Variants in RHBDD1 observed in about 807,000 individuals in gnomAD.
RHBDD1 encodes the protein rhomboid domain containing 1.
RHBDD1 carries 38 observed loss-of-function variants against 36.3 expected under a neutral mutation model. The observed-to-expected ratio is 1.05, with a 90% CI of 0.81 to 1.37. The LOEUF is 1.37. Ranked by LOEUF, RHBDD1 falls within the 40% of genes most tolerant of loss-of-function variation. The pLI, the probability that RHBDD1 is intolerant of heterozygous loss-of-function variation, is 0.00. For synonymous variants in RHBDD1, 151 were observed against 136.5 expected, an observed-to-expected ratio of 1.11 and a Z score of -0.74; for missense variants, 393 against 377.6, an observed-to-expected ratio of 1.04 and a Z score of -0.34.
At chr2:226,868,073 A>G (rs916358208) in intron 5 of RHBDD1, among the ~76,000 whole-genome samples, 1 of 152,162 alleles carries the variant, frequency 6.6e-6, no homozygotes, top group Non-Finnish European at 1.5e-5. Context: ...AGAACTTTTT[A>G]AACAAAAGGC....
chr2:226,806,717 T>C, the RHBDD1 span, among the ~76,000 whole-genome samples: 1 of 152,172 alleles, frequency 6.6e-6, no homozygotes, highest in African/African-American at 2.4e-5. Context: ...TACTCTTTCT[T>C]ATCTCTCTTT....
intron 8 of RHBDD1, among the ~76,000 whole-genome samples, chr2:226,977,612 G>A (rs925032652): frequency 9.9e-5 from 15 of 152,160 alleles, no homozygotes; most frequent in African/African-American, 3.6e-4. Flanking sequence ...AGGATCAAAC[G>A]CTGCACAGGG....
At chr2:226,865,493 T>C (rs2125236956) in intron 4 of RHBDD1, among the ~76,000 whole-genome samples, 1 of 152,194 alleles carries the variant, frequency 6.6e-6, no homozygotes, top group Non-Finnish European at 1.5e-5. Flanking sequence ...CTGTCTCTGA[T>C]TACCAACTTG....
At chr2:226,854,939 C>T (rs1331018484) in intron 3 of RHBDD1, among the ~76,000 whole-genome samples, 2 of 152,082 alleles carry the variant, frequency 1.3e-5, no homozygotes, top group African/African-American at 4.8e-5. Context: ...CTGTTGAGAT[C>T]TTTCAGTGTA....
At chr2:226,843,845 G>T (rs1157197771) in intron 3 of RHBDD1, among the ~76,000 whole-genome samples, 2 of 152,222 alleles carry the variant, frequency 1.3e-5, no homozygotes, top group Non-Finnish European at 2.9e-5. Context: ...CAGCAGGAAT[G>T]ATACCTGCTC....
chr2:226,918,737 C>T (rs369162220), intron 8 of RHBDD1, among the ~76,000 whole-genome samples: 94 of 152,132 alleles, frequency 6.2e-4, no homozygotes, highest in African/African-American at 2.2e-3. Flanking sequence ...AGGTTGCTCC[C>T]AAATCTTGGC....
intron 5 of RHBDD1, among the ~76,000 whole-genome samples, chr2:226,894,165 T>C (rs1402016148): frequency 6.6e-6 from 1 of 152,202 alleles, no homozygotes; most frequent in Non-Finnish European, 1.5e-5. Context: ...ACCACCTGCA[T>C]TCGTTATTCC....
chr2:226,903,416 C>T lies in RHBDD1; in HGVS notation c.567-3377C>T, dbSNP rs146629268. Among the ~76,000 whole-genome samples the T allele has an allele frequency of 7.6e-4, 115 of 152,224 alleles. 1 individual carries two copies. Among genetic ancestry groups the T allele is most frequent in the African/African-American group, 2.5e-3 (104 of 41,526 alleles). ...GTCCATGCTGTCTCTGCTACCCACC[C>T]GTGAGTCACTTAGTAGCTGTTATGA... On this transcript the variant is annotated intron_variant, in intron 5 of 8. Coordinates refer to ENST00000392062, the MANE Select transcript of RHBDD1 (RefSeq NM_001167608.3).
At chr2:226,840,334 G>A (rs758475135) in intron 3 of RHBDD1, among the ~76,000 whole-genome samples, 5 of 152,170 alleles carry the variant, frequency 3.3e-5, no homozygotes, top group Non-Finnish European at 5.9e-5. Context: ...AACTAACAAT[G>A]TGTGCATTCC....
chr2:226,906,585 A>G (rs1197713341), intron 5 of RHBDD1: 1 of 1,059,512 alleles, frequency 9.4e-7, no homozygotes, highest in Non-Finnish European at 1.3e-6. Flanking sequence ...CGTTTTAAAC[A>G]TGTGGTGGTT....
intron 5 of RHBDD1, among the ~76,000 whole-genome samples, chr2:226,868,468 C>G (rs1222436297): frequency 6.6e-6 from 1 of 152,140 alleles, no homozygotes; most frequent in African/African-American, 2.4e-5. Flanking sequence ...TTTTTTCCAC[C>G]TCTTCCACCA....
At chr2:226,916,433 C>T (rs987996580) in intron 8 of RHBDD1, among the ~76,000 whole-genome samples, 20 of 152,156 alleles carry the variant, frequency 1.3e-4, no homozygotes, top group Non-Finnish European at 2.2e-4. Flanking sequence ...CCTGTACACA[C>T]AGGTTTAATC....
the RHBDD1 span, among the ~76,000 whole-genome samples, chr2:226,809,441 A>G: frequency 6.6e-6 from 1 of 152,248 alleles, no homozygotes; most frequent in Non-Finnish European, 1.5e-5. Context: ...AGATGTGTAC[A>G]GTAGGTTAGT....
intron 8 of RHBDD1, among the ~76,000 whole-genome samples, chr2:226,927,996 T>C (rs1949779443): frequency 6.6e-6 from 1 of 152,104 alleles, no homozygotes; most frequent in African/African-American, 2.4e-5. Flanking sequence ...TTTAGTGTTG[T>C]ATCTAAGAAT....
chr2:226,912,545 T>A (rs1948595469), intron 7 of RHBDD1, among the ~76,000 whole-genome samples: 1 of 152,096 alleles, frequency 6.6e-6, no homozygotes, highest in Non-Finnish European at 1.5e-5. Flanking sequence ...GAAGTACCGA[T>A]AAATGTAACA....
chr2:226,853,120 A>G (rs948088817), intron 3 of RHBDD1, among the ~76,000 whole-genome samples: 82 of 152,014 alleles, frequency 5.4e-4, no homozygotes, highest in African/African-American at 1.9e-3. Context: ...TACACTGCAT[A>G]TTACAGATGG....
At chr2:226,984,388 T>C (rs1439049460) in intron 8 of RHBDD1, among the ~76,000 whole-genome samples, 1 of 152,230 alleles carries the variant, frequency 6.6e-6, no homozygotes, top group Non-Finnish European at 1.5e-5. Flanking sequence ...CTTCTCACTG[T>C]GACCTCACAT....
At chr2:226,937,706 T>C (rs550438944) in intron 8 of RHBDD1, among the ~76,000 whole-genome samples, 3 of 152,298 alleles carry the variant, frequency 2.0e-5, no homozygotes, top group Non-Finnish European at 4.4e-5. Flanking sequence ...AAGTTTTCTG[T>C]TCCTGCGTTA....
the RHBDD1 span, among the ~76,000 whole-genome samples, chr2:226,814,492 A>G: frequency 2.0e-5 from 3 of 152,206 alleles, no homozygotes; most frequent in Non-Finnish European, 4.4e-5. Flanking sequence ...CAGGAGAAGT[A>G]ACATAGCACA....
Sources: allele counts gnomAD v4.1 joint callset (sites outside exome capture counted in the v4.1 genomes callset), GRCh38; gene constraint gnomAD v4.1.1; transcripts MANE v1.5; gene names NCBI Gene and HGNC (gene_info 2026-07-23, HGNC 2026-07-21).